Variants in ATP8A1 observed in about 807,000 individuals in gnomAD.
ATP8A1 encodes phospholipid-transporting ATPase IA.
ATP8A1 carries 90 observed loss-of-function variants against 177.7 expected under a neutral mutation model. The observed-to-expected ratio is 0.51, with a 90% confidence interval of 0.43 to 0.60. The LOEUF (loss-of-function observed/expected upper bound fraction) is 0.60, where lower values mean the gene tolerates loss of function less well. ATP8A1 is among the 20% of genes least tolerant of loss of function. The pLI is 0.00. For synonymous variants in ATP8A1, 493 were observed against 485.9 expected (o/e 1.01, Z -0.19); for missense variants, 1,072 against 1,392.8 (o/e 0.77, Z 3.67).
chr4:42,592,780 G>A (rs544095691), intron 6 of ATP8A1, among the ~76,000 whole-genome samples: 1 of 152,182 alleles, frequency 6.6e-6, no homozygotes, highest in South Asian at 2.1e-4. Flanking sequence ...GCATGTTACT[G>A]TATGGAATAG....
At chr4:42,495,958 G>A (rs1723232490) in intron 24 of ATP8A1, among the ~76,000 whole-genome samples, 1 of 152,222 alleles carries the variant, frequency 6.6e-6, no homozygotes, top group Non-Finnish European at 1.5e-5. Flanking sequence ...TGTAATTGAG[G>A]AAGTGGTCCA....
At chr4:42,571,579 G>GT (rs1378654706) in intron 14 of ATP8A1, among the ~76,000 whole-genome samples, 3 of 151,500 alleles carry the variant, frequency 2.0e-5, no homozygotes, top group Non-Finnish European at 4.4e-5. Context: ...GGGTATTCAA[G>GT]TAACTATTAT....
chr4:42,574,820 A>G (rs1448669301), intron 13 of ATP8A1, 113 bp from the exon 14 acceptor site: 1 of 672,230 alleles, frequency 1.5e-6, no homozygotes, highest in Non-Finnish European at 2.5e-6. Flanking sequence ...GAATATTACT[A>G]AGGAACTATT....
chr4:42,626,849 A>G, intron 2 of ATP8A1, 146 bp downstream of exon 2: 1 of 664,426 alleles, frequency 1.5e-6, no homozygotes, highest in Non-Finnish European at 2.7e-6. Context: ...GGGAGAGAAG[A>G]TGGGGAAACA....
chr4:42,518,562 A>G (rs1231898590), intron 22 of ATP8A1, among the ~76,000 whole-genome samples: 2 of 152,166 alleles, frequency 1.3e-5, no homozygotes, highest in African/African-American at 4.8e-5. Flanking sequence ...GCTTTCGTCA[A>G]TTATATATAT....
intron 20 of ATP8A1, among the ~76,000 whole-genome samples, chr4:42,530,656 A>G (rs536588921): frequency 1.3e-5 from 2 of 152,334 alleles, no homozygotes; most frequent in South Asian, 4.1e-4. Flanking sequence ...CATCATCCTG[A>G]AGCAGCTAGA....
chr4:42,585,995 T>G (rs921132588), intron 9 of ATP8A1, among the ~76,000 whole-genome samples: 2 of 152,272 alleles, frequency 1.3e-5, no homozygotes, highest in South Asian at 4.1e-4. Context: ...CCATGCAGAT[T>G]GAATAGTTAA....
intron 1 of ATP8A1, among the ~76,000 whole-genome samples, chr4:42,637,655 T>C (rs1439762950): frequency 6.6e-6 from 1 of 152,332 alleles, no homozygotes; most frequent in Non-Finnish European, 1.5e-5. Flanking sequence ...ATTTGGAAAC[T>C]GATAAAGTCC....
chr4:42,559,100 C>T (rs1437263183), intron 15 of ATP8A1, among the ~76,000 whole-genome samples: 1 of 152,122 alleles, frequency 6.6e-6, no homozygotes, highest in Non-Finnish European at 1.5e-5. Context: ...GTGGGAGGAT[C>T]CCTTGAGCTC....
At chr4:42,635,754 TACACACACACACAC>T (rs375888383) in intron 1 of ATP8A1, among the ~76,000 whole-genome samples, 1 of 81,794 alleles carries the variant, frequency 1.2e-5, no homozygotes, top group African/African-American at 4.2e-5. Flanking sequence ...TACATATATA[TACACACACACACAC>T]ACACACACAC....
chr4:42,532,143 C>G (rs1727327819), intron 20 of ATP8A1, among the ~76,000 whole-genome samples: 1 of 151,910 alleles, frequency 6.6e-6, no homozygotes. Flanking sequence ...CACAGACACA[C>G]ACACACATAA....
At chr4:42,416,533 T>A (rs1035131326) in intron 35 of ATP8A1, among the ~76,000 whole-genome samples, 1 of 152,214 alleles carries the variant, frequency 6.6e-6, no homozygotes. Flanking sequence ...TTAGCTCTTC[T>A]TTTATATCAA....
chr4:42,546,837 C>T (rs559791047), intron 19 of ATP8A1, among the ~76,000 whole-genome samples: 1 of 152,332 alleles, frequency 6.6e-6, no homozygotes, highest in South Asian at 2.1e-4. Flanking sequence ...TCCTCTTCTC[C>T]TGGCTCTGTG....
At chr4:42,575,805 T>C (rs1732385575) in intron 12 of ATP8A1, 106 bp from the exon 13 acceptor site, 5 of 930,428 alleles carry the variant, frequency 5.4e-6, no homozygotes, top group South Asian at 4.4e-5. Flanking sequence ...AGTCACTGTT[T>C]GATGAACTAT....
intron 23 of ATP8A1, among the ~76,000 whole-genome samples, chr4:42,505,696 C>A (rs1217355983): frequency 6.6e-6 from 1 of 152,096 alleles, no homozygotes. Context: ...ATATGTTAGG[C>A]TGACTGCTAA....
chr4:42,551,010 A>G (rs1398744932), intron 18 of ATP8A1, among the ~76,000 whole-genome samples, 188 bp downstream of exon 18: 1 of 152,220 alleles, frequency 6.6e-6, no homozygotes, highest in African/African-American at 2.4e-5. Context: ...ATGTATTAAT[A>G]GTCACCTTTA....
chr4:42,550,003 A>T (rs773125607), intron 18 of ATP8A1, among the ~76,000 whole-genome samples: 64 of 152,298 alleles, frequency 4.2e-4, no homozygotes, highest in Non-Finnish European at 1.2e-4. Context: ...AAAATTGTGC[A>T]GTGTGGTAAT....
At chr4:42,546,381 T>C (rs1421814638) in intron 19 of ATP8A1, among the ~76,000 whole-genome samples, 1 of 128,654 alleles carries the variant, frequency 7.8e-6, no homozygotes, top group Non-Finnish European at 1.5e-5. Flanking sequence ...AATTGAACAA[T>C]GAGAACACAT....
chr4:42,502,800 T>A (rs555333106), intron 24 of ATP8A1, among the ~76,000 whole-genome samples: 222 of 152,372 alleles, frequency 1.5e-3, no homozygotes, highest in Non-Finnish European at 2.8e-3. Context: ...AGTTGTATAA[T>A]CACCTCTACG....
Sources: allele counts gnomAD v4.1 joint callset (sites outside exome capture counted in the v4.1 genomes callset), GRCh38; gene constraint gnomAD v4.1.1; transcripts MANE v1.5; gene names NCBI Gene and HGNC (gene_info 2026-07-23, HGNC 2026-07-21).